The following ZNF727 variants were observed in gnomAD, a reference collection of about 807,000 sequenced individuals.
The protein encoded by ZNF727 is zinc finger protein 727.
A neutral mutation model predicts 11.5 loss-of-function variants in ZNF727; 11 were observed. The ratio of observed to expected loss-of-function variants is 0.95; its 90% CI spans 0.60 to 1.58. ZNF727 has a LOEUF of 1.58. ZNF727 is among the 40% of genes most tolerant of loss of function. ZNF727 has a pLI of 0.00. For missense variants in ZNF727, 533 were observed against 581.7 expected, an observed-to-expected ratio of 0.92 and a Z score of 0.86; for synonymous variants, 171 against 196.1, an observed-to-expected ratio of 0.87 and a Z score of 1.07.
rs560995822 is a variant in ZNF727 at position 64,058,950 on chromosome 7, C to CTTTTTTTTTTTTTTTTTTTTTTT, written c.4-9929_4-9928insTTTTTTTTTTTTTTTTTTTTTTT. ...CTATTGCTTATGGCTATTGCATTGTCTTTTTTTTTTTTGAGACGGAGTCTC... is the reference window on the plus strand; with the variant it reads ...CTATTGCTTATGGCTATTGCATTGTCTTTTTTTTTTTTTTTTTTTTTTTTTTTTTTTTTTTGAGACGGAGTCTC... On this transcript the variant is annotated intron_variant, in intron 1 of 3. Transcript: ENST00000456806. 6.9e-5 allele frequency among the ~76,000 whole-genome samples: 10 copies of CTTTTTTTTTTTTTTTTTTTTTTT among 145,398 alleles called. No individual in the cohort carries two copies. The East Asian group carries it at 1.1e-3, about 16-fold the overall frequency.
chr7:64,052,596 C>T (rs10949866), intron 1 of ZNF727, among the ~76,000 whole-genome samples: 97,140 of 151,578 alleles, frequency 0.64, 31,782 homozygotes, highest in Non-Finnish European at 0.71. Context: ...TGGGGCACTG[C>T]CTAGTGAAGC....
At chr7:64,055,936 TG>T (rs1331243088) in intron 1 of ZNF727, among the ~76,000 whole-genome samples, 2 of 152,224 alleles carry the variant, frequency 1.3e-5, no homozygotes, top group Non-Finnish European at 2.9e-5. Flanking sequence ...ATTTTATGTT[TG>T]TTTTTTTCAA....
rs1406055257 is a variant in ZNF727, at chr7:64,078,843, G to A, written c.*294G>A. ...TACAAATCTGAAGAATGTAACAAAG[G>A]CTATAGGTGGTTCTGAGACCTTGCT... On this transcript the variant is annotated 3_prime_UTR_variant, in exon 4 of 4. Coordinates refer to ENST00000456806, the MANE Select transcript of ZNF727 (RefSeq NM_001159522.3). Among the ~76,000 whole-genome samples, 1 of 151,494 alleles carries A rather than the reference G, an allele frequency of 6.6e-6. No individual in the cohort carries two copies. The highest frequency in any genetic ancestry group is 1.5e-5 in the Non-Finnish European group (1 of 67,910).
At chr7:64,069,389 A>G in intron 2 of ZNF727, 125 bp from the exon 3 acceptor site, 1 of 872,014 alleles carries the variant, frequency 1.1e-6, no homozygotes, top group Non-Finnish European at 1.8e-6. Context: ...CTGTTACAAA[A>G]CAGTAGATTG....
At position 64,077,586 on chromosome 7, in the gene ZNF727, C is replaced by T; in HGVS notation, c.537C>T (p.Gly179=). 1 of 1,551,390 alleles carries T rather than the reference C, an allele frequency of 6.4e-7. No homozygotes were observed. Among genetic ancestry groups the T allele is most frequent in the Non-Finnish European group, 8.7e-7 (1 of 1,146,824 alleles). Residue 179 remains glycine (G), a synonymous_variant, in exon 4 of 4, where the codon GGC becomes GGT. Transcript: ENST00000456806. ...REKCYKCEEC[G]KDCRLSDFTI... The stretch of plus-strand genomic sequence containing the variant: ...AATGCTACAAATGTGAAGAATGTGG[C>T]AAAGACTGTAGGTTGTCAGATTTTA...
At chr7:64,066,406 A>G (rs1183561856) in intron 1 of ZNF727, among the ~76,000 whole-genome samples, 3 of 152,220 alleles carry the variant, frequency 2.0e-5, no homozygotes, top group African/African-American at 7.2e-5. Flanking sequence ...AAACTATTCT[A>G]CAAGGCTACA....
rs956487157 is a variant in ZNF727 at position 64,062,739 on chromosome 7, C to T, written c.4-6152C>T. The stretch of plus-strand genomic sequence containing the variant: ...TTATCCCTTTGAATAAACTTTCTAC[C>T]CAGAACTTTTTCTCTACCTCCTCTT... On this transcript the variant is annotated intron_variant, in intron 1 of 3. Transcript: ENST00000456806. Among the ~76,000 whole-genome samples, 35 of 109,588 alleles carry T rather than the reference C, an allele frequency of 3.2e-4. No individual in the cohort carries two copies. In the East Asian group the frequency reaches 8.4e-3, roughly 26 times the overall value. 71.9% of individuals were successfully genotyped at this position (109,588 alleles called of 152,430 possible). A position where few individuals can be genotyped will look rare whatever the true frequency, so the allele number is the denominator to read the frequency against.
rs902039743 is a variant in ZNF727 at position 64,078,342 on chromosome 7, A to G, written c.1293A>G (p.Lys431=). 6.3e-7 allele frequency: 1 copy of G among 1,577,198 alleles called. No individual in the cohort carries two copies. Among genetic ancestry groups the G allele is most frequent in the African/African-American group, 1.4e-5 (1 of 73,618 alleles). The stretch of plus-strand genomic sequence containing the variant: ...CTTACAAATGTGAAGAATGTGGCAA[A>G]ACCTTTAAGTGGTTCCCAGACCTGA... The part of the protein sequence containing the change: ...VRPYKCEECG[K]TFKWFPDLTN... The change falls in exon 4 of 4, where the codon AAA becomes AAG. Residue 431 remains lysine, a synonymous_variant. Transcript: ENST00000456806.
chr7:64,055,655 G>A (rs1789673281), intron 1 of ZNF727, among the ~76,000 whole-genome samples: 1 of 152,138 alleles, frequency 6.6e-6, no homozygotes, highest in Non-Finnish European at 1.5e-5. Context: ...GCTTGTTTTA[G>A]TTAGCATAAT....
At chr7:64,068,157 T>A (rs1166226614) in intron 1 of ZNF727, among the ~76,000 whole-genome samples, 3 of 151,422 alleles carry the variant, frequency 2.0e-5, no homozygotes, top group African/African-American at 4.9e-5. Context: ...GTAAAAATGC[T>A]CTCTGACAGA....
intron 3 of ZNF727, 31 bp from the exon 4 acceptor site, chr7:64,077,245 A>C: frequency 5.5e-6 from 8 of 1,457,938 alleles, no homozygotes; most frequent in Non-Finnish European, 6.3e-6. Flanking sequence ...CTGATGAGGG[A>C]GAAATTTTGT....
intron 1 of ZNF727, among the ~76,000 whole-genome samples, chr7:64,057,716 T>A (rs1789707533): frequency 6.6e-6 from 1 of 151,678 alleles, no homozygotes; most frequent in African/African-American, 2.4e-5. Context: ...AAAAGTTGAT[T>A]TTTTTAAAAA....
intron 1 of ZNF727, among the ~76,000 whole-genome samples, chr7:64,052,378 CTTTTTTTTTTTT>C (rs56215284): frequency 7.7e-6 from 1 of 130,404 alleles, no homozygotes; most frequent in African/African-American, 2.9e-5. Context: ...ATTTCTCTCT[CTTTTTTTTTTTT>C]TTTTTTTTTG....
At chr7:64,068,321 A>G (rs1789903824) in intron 1 of ZNF727, among the ~76,000 whole-genome samples, 1 of 152,132 alleles carries the variant, frequency 6.6e-6, no homozygotes, top group South Asian at 2.1e-4. Context: ...CTTCCTATGG[A>G]AAGTGAAGGC....
At chr7:64,045,962 C>T (rs1789497735) in intron 1 of ZNF727, among the ~76,000 whole-genome samples, 1 of 152,192 alleles carries the variant, frequency 6.6e-6, no homozygotes, top group Non-Finnish European at 1.5e-5. Context: ...GTGGAAGAAG[C>T]AGTGGGCCTT....
At chr7:64,046,889 A>G (rs1789516261) in intron 1 of ZNF727, among the ~76,000 whole-genome samples, 1 of 152,112 alleles carries the variant, frequency 6.6e-6, no homozygotes, top group African/African-American at 2.4e-5. Flanking sequence ...ACAGTTATGT[A>G]TTGCATTTGC....
rs1164906206 is a variant in ZNF727 at position 64,069,605 on chromosome 7, C to A, written c.222C>A (p.His74Gln). The stretch of plus-strand genomic sequence containing the variant: ...GGAGACAGAAGACAGTAGCCAAACA[C>A]CCAGGTAGGTGGGAGTGAGTGAAGC... The part of the protein sequence containing the change: ...NARRQKTVAK[H>Q]PAGSLHFTAE... Residue 74 changes from histidine (H) to glutamine (Q), a missense_variant, in exon 3 of 4, where the codon CAC (histidine) becomes CAA (glutamine). Physicochemically the swap from His to Gln is conservative, Grantham distance 24. Transcript: ENST00000456806. The A allele has an allele frequency of 6.4e-7, 1 of 1,559,470 alleles. No individual in the cohort carries two copies. Among genetic ancestry groups the A allele is most frequent in the Admixed American group, 1.9e-5 (1 of 52,004 alleles).
At chr7:64,047,095 A>C (rs1789520357) in intron 1 of ZNF727, among the ~76,000 whole-genome samples, 2 of 151,888 alleles carry the variant, frequency 1.3e-5, no homozygotes, top group African/African-American at 4.8e-5. Context: ...CCAGCTATTT[A>C]GTTATTTTAA....
intron 1 of ZNF727, among the ~76,000 whole-genome samples, chr7:64,054,731 CTG>C (rs1481845233): frequency 7.2e-5 from 11 of 152,100 alleles, no homozygotes; most frequent in Non-Finnish European, 1.6e-4. Flanking sequence ...TTTTTTATAA[CTG>C]AGATGTAAAA....
Sources: allele counts gnomAD v4.1 joint callset (sites outside exome capture counted in the v4.1 genomes callset), GRCh38; gene constraint gnomAD v4.1.1; transcripts MANE v1.5; gene names NCBI Gene and HGNC (gene_info 2026-07-23, HGNC 2026-07-21).